SCN7A: variants seen among roughly 807,000 people sequenced by gnomAD.
SCN7A encodes the protein sodium voltage-gated channel alpha subunit 7.
A neutral mutation model predicts 155.2 loss-of-function variants in SCN7A; 138 were observed. The ratio of observed to expected loss-of-function variants is 0.89; its 90% CI spans 0.77 to 1.02. The LOEUF (loss-of-function observed/expected upper bound fraction) is 1.02, where lower values mean the gene tolerates loss of function less well. Among genes scored for constraint, SCN7A ranks in the 50% least tolerant of loss-of-function variants. The probability of loss-of-function intolerance (pLI) is 0.00; values close to 1 mark genes in which losing one functional copy is unlikely to be tolerated. For missense variants in SCN7A, 2,058 were observed against 1,986.6 expected (o/e 1.04, Z -0.68); for synonymous variants, 693 against 649.0 (o/e 1.07, Z -1.03).
chr2:166,465,370 C>A, intron 9 of SCN7A, 92 bp downstream of exon 9: 1 of 896,972 alleles, frequency 1.1e-6, no homozygotes, highest in Non-Finnish European at 1.7e-6. Context: ...ATAATACAAT[C>A]AAATGGGAAG....
At chr2:166,431,067 T>C (rs1420066782) in intron 16 of SCN7A, among the ~76,000 whole-genome samples, 1 of 152,112 alleles carries the variant, frequency 6.6e-6, no homozygotes, top group Non-Finnish European at 1.5e-5. Context: ...TGTATTTTCA[T>C]ACTCCAGAAT....
At position 166,465,945 on chromosome 2, in the gene SCN7A, T is replaced by A; in HGVS notation, c.707A>T (p.Gln236Leu). ...AGTTAGGATAATGACACCAATAAGCTGCTTCAAGCAGTGGATCAGGACCCC... is the reference window on the plus strand; with the variant it reads ...AGTTAGGATAATGACACCAATAAGCAGCTTCAAGCAGTGGATCAGGACCCC... ...LVGVLIHCLKQLIGVIILTLF... is the reference protein window; with the variant it reads ...LVGVLIHCLKLLIGVIILTLF... The change falls in exon 8 of 26, where the codon CAG (glutamine) becomes CTG (leucine). Residue 236 changes from glutamine (Q) to leucine (L), a missense_variant. By Grantham distance (113) the Gln-to-Leu change is moderately radical. Coordinates refer to ENST00000643258, the MANE Select transcript of SCN7A (RefSeq NM_002976.4). 1 of 1,613,446 alleles carries A rather than the reference T, an allele frequency of 6.2e-7. No homozygotes were observed. Among genetic ancestry groups the A allele is most frequent in the Non-Finnish European group, 8.5e-7 (1 of 1,179,650 alleles).
At chr2:166,470,736 G>T in intron 6 of SCN7A, 30 bp from the exon 7 acceptor site, 1 of 1,561,428 alleles carries the variant, frequency 6.4e-7, no homozygotes, top group Non-Finnish European at 8.7e-7. Context: ...TTACTTAAAA[G>T]TCATATTACA....
intron 25 of SCN7A, among the ~76,000 whole-genome samples, chr2:166,408,384 A>G (rs1398161589): frequency 6.6e-6 from 1 of 151,916 alleles, no homozygotes; most frequent in Non-Finnish European, 1.5e-5. Flanking sequence ...TGGTCTTCTC[A>G]AGTTATTACA....
At chr2:166,448,588 T>C (rs1702114934) in intron 11 of SCN7A, among the ~76,000 whole-genome samples, 1 of 152,146 alleles carries the variant, frequency 6.6e-6, no homozygotes, top group Non-Finnish European at 1.5e-5. Flanking sequence ...TCCAAAAGAA[T>C]TTTTGGGTTT....
rs114280818 is a variant in SCN7A at position 166,492,048 on chromosome 2, G to T, written c.-128+1920C>A. Among the ~76,000 whole-genome samples the T allele has an allele frequency of 2.4e-3, 370 of 152,028 alleles. 4 individuals are homozygous for T. Among genetic ancestry groups the T allele is most frequent in the African/African-American group, 8.6e-3 (355 of 41,448 alleles). On this transcript the variant is annotated intron_variant, in intron 1 of 25. Transcript: ENST00000643258. ...TTATTTTTATTTCTAGTATGCTTTG[G>T]ACAGGTATTTATCCTACTTTGGGAA...
chr2:166,439,795 A>G (rs1332800116), intron 15 of SCN7A, among the ~76,000 whole-genome samples: 1 of 152,156 alleles, frequency 6.6e-6, no homozygotes, highest in African/African-American at 2.4e-5. Flanking sequence ...CATGGTGCTT[A>G]CAGTTTAATA....
chr2:166,416,761 A>C lies in SCN7A; in HGVS notation c.3360T>G (p.Asn1120Lys). The C allele has an allele frequency of 1.9e-6, 3 of 1,612,432 alleles. No individual in the cohort carries two copies. The highest frequency in any genetic ancestry group is 1.3e-5 in the African/African-American group (1 of 75,024). The stretch of plus-strand genomic sequence containing the variant: ...CAACATTATCAAAGTTCATTTTTGC[A>C]TTTTCCCATAGCATGGATTCGTTAA... ...LLFNESMLWE[N>K]AKMNFDNVGN... Residue 1120 changes from asparagine (N) to lysine (K), a missense_variant, in exon 21 of 26, where the codon AAT becomes AAG. Physicochemically the swap from Asn to Lys is moderately conservative, Grantham distance 94 (BLOSUM62 0). Coordinates refer to ENST00000643258, the MANE Select transcript of SCN7A (RefSeq NM_002976.4).
chr2:166,454,525 G>T (rs1475529816), intron 11 of SCN7A, among the ~76,000 whole-genome samples: 1 of 152,090 alleles, frequency 6.6e-6, no homozygotes, highest in Non-Finnish European at 1.5e-5. Flanking sequence ...ATATACAGGG[G>T]AGTTAACATT....
At chr2:166,480,331 G>A (rs1288508391) in intron 2 of SCN7A, among the ~76,000 whole-genome samples, 1 of 151,904 alleles carries the variant, frequency 6.6e-6, no homozygotes, top group Non-Finnish European at 1.5e-5. Flanking sequence ...GGTGGCGGGC[G>A]CCTGTAGTCC....
At chr2:166,453,295 CATG>C (rs1409922500) in intron 11 of SCN7A, among the ~76,000 whole-genome samples, 3 of 152,020 alleles carry the variant, frequency 2.0e-5, no homozygotes, top group African/African-American at 7.2e-5. Context: ...ATAAATGTTG[CATG>C]ATATTAATGT....
At position 166,413,070 on chromosome 2, in the gene SCN7A, C is replaced by G. The variant is rs980322467; in HGVS notation, c.3466G>C (p.Ala1156Pro). Residue 1156 changes from alanine to proline, a missense_variant and splice_region_variant, in exon 22 of 26, where the codon GCT (alanine) becomes CCT (proline). Physicochemically the swap from Ala to Pro is conservative, Grantham distance 27. Coordinates refer to ENST00000643258, the MANE Select transcript of SCN7A (RefSeq NM_002976.4). The part of the protein sequence containing the change: ...TIMNSAIDSV[A>P]VNIQPHFEVN... ...CTTTAAAATGATATTATACTTACAG[C>G]AACAGAATCAATTGCTGAATTCATA... 6.5e-7 allele frequency: 1 copy of G among 1,528,316 alleles called. No individual in the cohort carries two copies. Among genetic ancestry groups the G allele is most frequent in the Non-Finnish European group, 8.8e-7 (1 of 1,135,906 alleles). The allele number at this position is 1,528,316 out of a possible 1,614,324, so 94.7% of individuals were successfully genotyped here.
At chr2:166,453,259 A>T (rs1328241663) in intron 11 of SCN7A, among the ~76,000 whole-genome samples, 1 of 152,180 alleles carries the variant, frequency 6.6e-6, no homozygotes, top group African/African-American at 2.4e-5. Flanking sequence ...AATTTAGCAT[A>T]GAGTCTGAAA....
In SCN7A at chr2:166,472,413, A is replaced by G. The variant is rs1702680749; in HGVS notation, c.476T>C (p.Ile159Thr). Reference protein sequence around the residue: ...NTLLGIYTFEILVKLFARGVW... With the variant: ...NTLLGIYTFETLVKLFARGVW... ...ACCTCTTGCAAAGAGTTTTACAAGTATTTCAAATGTGTAAATTCCAAGCAA... is the reference window on the plus strand; with the variant it reads ...ACCTCTTGCAAAGAGTTTTACAAGTGTTTCAAATGTGTAAATTCCAAGCAA... Residue 159 changes from isoleucine to threonine, a missense_variant, in exon 6 of 26, where the codon ATA becomes ACA. Coordinates refer to ENST00000643258, the MANE Select transcript of SCN7A (RefSeq NM_002976.4). 6.2e-7 allele frequency: 1 copy of G among 1,605,618 alleles called. No homozygotes were observed. The highest frequency in any genetic ancestry group is 8.5e-7 in the Non-Finnish European group (1 of 1,174,744).
chr2:166,493,060 C>T (rs1486761353), intron 1 of SCN7A, among the ~76,000 whole-genome samples: 1 of 152,168 alleles, frequency 6.6e-6, no homozygotes, highest in Admixed American at 6.5e-5. Context: ...ATTATAGAAT[C>T]TTTAATTAAG....
chr2:166,460,209 A>G (rs1271171432), intron 10 of SCN7A, among the ~76,000 whole-genome samples: 1 of 152,194 alleles, frequency 6.6e-6, no homozygotes. Flanking sequence ...CTGGTTCCCT[A>G]TTTCTTTTGT....
chr2:166,482,243 A>G (rs1014412650), intron 2 of SCN7A, among the ~76,000 whole-genome samples: 2 of 152,060 alleles, frequency 1.3e-5, no homozygotes, highest in African/African-American at 2.4e-5. Flanking sequence ...AGTATTACTA[A>G]ACTAAGTTAA....
At chr2:166,452,835 T>C (rs1381901527) in intron 11 of SCN7A, among the ~76,000 whole-genome samples, 1 of 152,134 alleles carries the variant, frequency 6.6e-6, no homozygotes, top group African/African-American at 2.4e-5. Context: ...TCAATAAGGA[T>C]TAAACTTGAA....
chr2:166,475,119 T>TATATATATATATACAC (rs763878028), intron 3 of SCN7A, among the ~76,000 whole-genome samples: 93 of 130,146 alleles, frequency 7.1e-4, no homozygotes, highest in African/African-American at 2.4e-3. Flanking sequence ...TATATATATA[T>TATATATATATATACAC]ACATATATAT....
Sources: allele counts gnomAD v4.1 joint callset (sites outside exome capture counted in the v4.1 genomes callset), GRCh38; gene constraint gnomAD v4.1.1; transcripts MANE v1.5; gene names NCBI Gene and HGNC (gene_info 2026-07-23, HGNC 2026-07-21).